Variants in SLCO3A1 observed in about 807,000 individuals in gnomAD.
SLCO3A1 encodes PGE1 transporter.
SLCO3A1 carries 27 observed loss-of-function variants against 63.1 expected under a neutral mutation model. The ratio of observed to expected loss-of-function variants is 0.43; its 90% CI spans 0.32 to 0.59. The LOEUF (loss-of-function observed/expected upper bound fraction) is 0.59. Among genes scored for constraint, SLCO3A1 ranks in the 20% least tolerant of loss-of-function variants. SLCO3A1 has a pLI of 0.09. For missense variants in SLCO3A1, 773 were observed against 945.8 expected (o/e 0.82, Z 2.40); for synonymous variants, 473 against 409.9 (o/e 1.15, Z -1.86).
intron 2 of SLCO3A1, among the ~76,000 whole-genome samples, chr15:92,053,399 A>G (rs2046981322): frequency 6.6e-6 from 1 of 152,232 alleles, no homozygotes; most frequent in East Asian, 1.9e-4. Flanking sequence ...TTACATTAAT[A>G]TGGAACATTT....
intron 4 of SLCO3A1, among the ~76,000 whole-genome samples, chr15:92,108,615 T>C (rs866631736): frequency 4.1e-4 from 63 of 152,228 alleles, no homozygotes; most frequent in African/African-American, 1.5e-3. Flanking sequence ...CCATTGTAAG[T>C]TGTCTCCGGC....
chr15:91,981,846 G>T (rs1039322017), intron 2 of SLCO3A1, among the ~76,000 whole-genome samples: 1 of 152,236 alleles, frequency 6.6e-6, no homozygotes, highest in African/African-American at 2.4e-5. Flanking sequence ...ACAGTGCCCA[G>T]TGAGTCTTGT....
intron 2 of SLCO3A1, among the ~76,000 whole-genome samples, chr15:91,949,182 A>C (rs1248294611): frequency 6.6e-6 from 1 of 152,164 alleles, no homozygotes. Flanking sequence ...ACACACACCC[A>C]AATTGGCATA....
chr15:91,910,847 G>A (rs1898462796), intron 1 of SLCO3A1, among the ~76,000 whole-genome samples: 1 of 152,212 alleles, frequency 6.6e-6, no homozygotes, highest in African/African-American at 2.4e-5. Context: ...ACACGCACAG[G>A]TGTTTTTCAA....
In SLCO3A1 at chr15:91,859,592, C is replaced by T. The variant is rs1388426538; in HGVS notation, c.180+5504C>T. Reference sequence around the variant, plus strand: ...AGTGTTAGAAGACTGGGATTCATGCCTATGTCCTCCCCTTACCTGCTCTGT... The same window carrying T: ...AGTGTTAGAAGACTGGGATTCATGCTTATGTCCTCCCCTTACCTGCTCTGT... On this transcript the variant is annotated intron_variant, in intron 1 of 9. Coordinates refer to ENST00000318445, the MANE Select transcript of SLCO3A1 (RefSeq NM_013272.4). The surrounding 1 kb of genome is among the most constrained non-coding windows in gnomAD (Gnocchi z 5.1). 1.3e-5 allele frequency among the ~76,000 whole-genome samples: 2 copies of T among 152,174 alleles called. No homozygotes were observed. Among genetic ancestry groups the T allele is most frequent in the Non-Finnish European group, 2.9e-5 (2 of 68,046 alleles).
chr15:92,086,132 C>T (rs949878952), intron 2 of SLCO3A1, among the ~76,000 whole-genome samples: 1 of 152,194 alleles, frequency 6.6e-6, no homozygotes, highest in African/African-American at 2.4e-5. Context: ...CGTCAGCACA[C>T]TTGCTGTGGG....
Position 91,854,049 on chromosome 15 carries a change from C to A in SLCO3A1, c.141C>A (p.Cys47Ter). Residue 47 changes from cysteine to a stop codon, truncating the protein, a stop_gained, in exon 1 of 10, where the codon TGC becomes TGA. Coordinates refer to ENST00000318445, the MANE Select transcript of SLCO3A1 (RefSeq NM_013272.4). LOFTEE classifies it high-confidence loss of function. This position sits in a 1 kb window ranked among gnomAD's most constrained non-coding sequence, Gnocchi z 6.4. ...TCAAGATCTTCCTGGTGTCCGAGTG[C>A]GCCCTGATGCTGGCGCAGGGCACGG... ...SNIKIFLVSE[C>*]ALMLAQGTVG... 6.5e-7 allele frequency: 1 copy of A among 1,537,718 alleles called. No individual in the cohort carries two copies. The highest frequency in any genetic ancestry group is 8.8e-7 in the Non-Finnish European group (1 of 1,140,006).
chr15:92,122,641 C>T (rs752260416), intron 5 of SLCO3A1, among the ~76,000 whole-genome samples: 1 of 152,226 alleles, frequency 6.6e-6, no homozygotes, highest in Non-Finnish European at 1.5e-5. Flanking sequence ...CTATCAGTTC[C>T]ATTTCTGGTC....
chr15:91,985,347 C>T (rs950181853), intron 2 of SLCO3A1, among the ~76,000 whole-genome samples: 1 of 152,124 alleles, frequency 6.6e-6, no homozygotes, highest in African/African-American at 2.4e-5. Context: ...GTGACAGCCC[C>T]GTTTCATTAT....
chr15:92,105,678 C>T (rs546683492), intron 4 of SLCO3A1, among the ~76,000 whole-genome samples: 1 of 152,310 alleles, frequency 6.6e-6, no homozygotes, highest in Non-Finnish European at 1.5e-5. Flanking sequence ...CTCAGCTCCC[C>T]TGACGTCCTG....
At chr15:92,149,283 G>A (rs2048272668) in intron 8 of SLCO3A1, 1 of 152,216 alleles carries the variant, frequency 6.6e-6, no homozygotes, top group Non-Finnish European at 1.5e-5. Context: ...ACCTAGGCTT[G>A]TAACTCCACG....
chr15:91,898,543 C>T (rs1187844534), intron 1 of SLCO3A1, among the ~76,000 whole-genome samples: 1 of 152,198 alleles, frequency 6.6e-6, no homozygotes, highest in African/African-American at 2.4e-5. Flanking sequence ...CTCCCTTCCT[C>T]ATTTCCAGTG....
chr15:92,054,459 G>GT (rs754340428), intron 2 of SLCO3A1, among the ~76,000 whole-genome samples: 2 of 152,010 alleles, frequency 1.3e-5, no homozygotes, highest in African/African-American at 2.4e-5. Flanking sequence ...CTCTATTATT[G>GT]TTTTTTTCAG....
chr15:91,899,675 C>A (rs1858422513), intron 1 of SLCO3A1, among the ~76,000 whole-genome samples: 2 of 152,100 alleles, frequency 1.3e-5, no homozygotes, highest in Non-Finnish European at 2.9e-5. Flanking sequence ...TGATTTTTAA[C>A]AAATTCATAA....
chr15:92,051,300 G>T (rs1034182546), intron 2 of SLCO3A1, among the ~76,000 whole-genome samples: 2 of 152,106 alleles, frequency 1.3e-5, no homozygotes, highest in Non-Finnish European at 2.9e-5. Flanking sequence ...CATGTGTGAG[G>T]GCCCAGAGGC....
intron 4 of SLCO3A1, among the ~76,000 whole-genome samples, chr15:92,115,382 G>C (rs1422893873): frequency 6.6e-6 from 1 of 152,076 alleles, no homozygotes; most frequent in African/African-American, 2.4e-5. Context: ...AGCGCACACA[G>C]ATACATCTGC....
intron 2 of SLCO3A1, among the ~76,000 whole-genome samples, chr15:92,043,892 C>G (rs1792042556): frequency 6.6e-6 from 1 of 152,176 alleles, no homozygotes; most frequent in East Asian, 1.9e-4. Flanking sequence ...CTCCCTCCTC[C>G]TGTTTCTCCC....
At chr15:92,089,732 G>T (rs1158728215) in intron 2 of SLCO3A1, among the ~76,000 whole-genome samples, 1 of 152,114 alleles carries the variant, frequency 6.6e-6, no homozygotes, top group Non-Finnish European at 1.5e-5. Flanking sequence ...GCGGGAAAAG[G>T]CAGACTCACC....
chr15:92,027,614 A>G (rs2046591511), intron 2 of SLCO3A1, among the ~76,000 whole-genome samples: 1 of 152,216 alleles, frequency 6.6e-6, no homozygotes, highest in Non-Finnish European at 1.5e-5. Context: ...CGACGCATGC[A>G]TTAAAGGATT....
Sources: gnomAD v4.1 joint callset for allele counts (sites outside exome capture counted in the v4.1 genomes callset) on GRCh38, gnomAD v4.1.1 for gene constraint, Gnocchi (gnomAD v3.1) non-coding constraint, MANE v1.5 for transcripts, NCBI Gene and HGNC (gene_info 2026-07-23, HGNC 2026-07-21) for gene names.